Variants in GLIS3 observed in about 807,000 individuals in gnomAD.
GLIS3 encodes GLIS family zinc finger 3.
In GLIS3, 53 loss-of-function variants were observed where a neutral mutation model predicts 78.6. The ratio of observed to expected loss-of-function variants is 0.67; its 90% confidence interval spans 0.54 to 0.85. GLIS3 has a LOEUF of 0.85. GLIS3 is among the 40% of genes least tolerant of loss of function. The pLI is 0.00. For missense variants in GLIS3, 1,703 were observed against 1,231.1 expected (o/e 1.38, Z -5.74); for synonymous variants, 684 against 509.9 (o/e 1.34, Z -4.60).
intron 9 of GLIS3, among the ~76,000 whole-genome samples, chr9:3,839,770 C>G (rs538826485): frequency 6.6e-6 from 1 of 152,282 alleles, no homozygotes; most frequent in South Asian, 2.1e-4. Context: ...AGGTTTCTCA[C>G]TGCCAGGTTG....
chr9:4,065,575 C>A (rs1827029010), intron 4 of GLIS3, among the ~76,000 whole-genome samples: 1 of 152,150 alleles, frequency 6.6e-6, no homozygotes, highest in Non-Finnish European at 1.5e-5. Flanking sequence ...AATTAGCAAA[C>A]AGGCTTATGA....
chr9:4,177,270 T>C (rs1187190398), intron 2 of GLIS3, among the ~76,000 whole-genome samples: 1 of 152,244 alleles, frequency 6.6e-6, no homozygotes, highest in African/African-American at 2.4e-5. Context: ...CCCATTTATC[T>C]ATTGGTTGGC....
At chr9:4,265,568 CT>C (rs1040080048) in intron 2 of GLIS3, among the ~76,000 whole-genome samples, 1 of 152,088 alleles carries the variant, frequency 6.6e-6, no homozygotes, top group Non-Finnish European at 1.5e-5. Context: ...ACCTCTAATG[CT>C]TCCATTCTAC....
rs747723697 is a variant in GLIS3, at chr9:4,118,985, A to G, written c.597-104T>C. 6 of 1,175,696 alleles carry G rather than the reference A, an allele frequency of 5.1e-6. No homozygotes were observed. Among genetic ancestry groups the G allele is most frequent in the Non-Finnish European group, 7.3e-6 (6 of 823,032 alleles). The allele number at this position is 1,175,696 out of a possible 1,614,324, so 72.8% of individuals were successfully genotyped here. On this transcript the variant is annotated intron_variant, in intron 3 of 10. Transcript: ENST00000381971. The surrounding 1 kb of genome is among the most constrained non-coding windows in gnomAD (Gnocchi z 4.7). ...ACACTGCATTGACAATCCCTTAAGTATTTCCCCTAATTACATTCTGTGCTA... is the reference window on the plus strand; with the variant it reads ...ACACTGCATTGACAATCCCTTAAGTGTTTCCCCTAATTACATTCTGTGCTA...
the GLIS3 span, among the ~76,000 whole-genome samples, chr9:4,407,566 G>A: frequency 2.6e-5 from 4 of 152,242 alleles, no homozygotes; most frequent in Admixed American, 2.0e-4. Context: ...AGAATGGCGA[G>A]AACCCGGGAG....
chr9:4,427,918 G>T, the GLIS3 span, among the ~76,000 whole-genome samples: 12 of 151,116 alleles, frequency 7.9e-5, no homozygotes, highest in Non-Finnish European at 8.9e-5. Context: ...AAATTTACTA[G>T]ACTGCTTCTG....
intron 4 of GLIS3, among the ~76,000 whole-genome samples, chr9:3,985,196 G>A (rs889304883): frequency 1.3e-5 from 2 of 152,016 alleles, no homozygotes; most frequent in Non-Finnish European, 2.9e-5. Context: ...CCAGGCTGGA[G>A]TGCAGTAAAG....
At chr9:3,978,623 T>C (rs1818977023) in intron 4 of GLIS3, among the ~76,000 whole-genome samples, 1 of 151,994 alleles carries the variant, frequency 6.6e-6, no homozygotes, top group Admixed American at 6.6e-5. Context: ...TATGTGTATA[T>C]GTGTGTATAT....
chr9:3,937,253 GC>G, intron 4 of GLIS3, 64 bp from the exon 5 acceptor site: 2 of 1,533,488 alleles, frequency 1.3e-6, no homozygotes, highest in Non-Finnish European at 8.9e-7. Context: ...CTGGGGGACA[GC>G]TAAAAAAAAA....
chr9:4,439,531 G>C, the GLIS3 span, among the ~76,000 whole-genome samples: 1 of 152,092 alleles, frequency 6.6e-6, no homozygotes, highest in African/African-American at 2.4e-5. Flanking sequence ...CCTTCTATCT[G>C]TGATTGATTA....
chr9:4,396,117 C>CT, the GLIS3 span, among the ~76,000 whole-genome samples: 2,699 of 141,080 alleles, frequency 0.019, 47 homozygotes, highest in African/African-American at 0.053. Context: ...GCCATTTTTA[C>CT]TTTTTTTTTT....
At chr9:4,472,971 A>G in the GLIS3 span, among the ~76,000 whole-genome samples, 67 of 152,332 alleles carry the variant, frequency 4.4e-4, no homozygotes, top group East Asian at 0.012. Flanking sequence ...TTGGGTATAT[A>G]TCCAGTAATG....
chr9:4,298,019 G>A (rs1391141556), intron 1 of GLIS3, among the ~76,000 whole-genome samples: 1 of 152,170 alleles, frequency 6.6e-6, no homozygotes, highest in Non-Finnish European at 1.5e-5. Context: ...CGCCGCCTCC[G>A]CCCCTAACCC....
intron 2 of GLIS3, among the ~76,000 whole-genome samples, chr9:4,318,246 G>A (rs1817469170): frequency 1.3e-5 from 2 of 152,132 alleles, no homozygotes; most frequent in Admixed American, 1.3e-4. Flanking sequence ...GGGAATTCGA[G>A]GGGCCAGGAT....
chr9:4,197,141 G>A (rs368287806), intron 2 of GLIS3, among the ~76,000 whole-genome samples: 36 of 152,268 alleles, frequency 2.4e-4, no homozygotes, highest in African/African-American at 7.0e-4. Flanking sequence ...TTGTGGTGCA[G>A]TGGGGCTCTC....
chr9:3,882,476 GTGCATTAGCTGGC>G (rs71324273), intron 7 of GLIS3, among the ~76,000 whole-genome samples: 111,590 of 151,660 alleles, frequency 0.74, 41,326 homozygotes, highest in East Asian at 0.82. Context: ...GCTACGGCTG[GTGCATTAGCTGGC>G]TGCATTAGCA....
chr9:4,418,468 A>G, the GLIS3 span, among the ~76,000 whole-genome samples: 1 of 152,204 alleles, frequency 6.6e-6, no homozygotes, highest in Admixed American at 6.5e-5. Context: ...AAAGACTAGA[A>G]CAGAAATAAA....
At chr9:4,134,634 T>G (rs972338496) in intron 2 of GLIS3, among the ~76,000 whole-genome samples, 2 of 152,220 alleles carry the variant, frequency 1.3e-5, no homozygotes, top group Non-Finnish European at 2.9e-5. Flanking sequence ...GTTATTGTCA[T>G]GATTATGTTA....
chr9:4,456,282 T>A, the GLIS3 span, among the ~76,000 whole-genome samples: 5 of 152,222 alleles, frequency 3.3e-5, no homozygotes, highest in Admixed American at 2.0e-4. Flanking sequence ...TGCCTCAATA[T>A]TGATGGCTGC....
Sources: gnomAD v4.1 joint callset for allele counts (sites outside exome capture counted in the v4.1 genomes callset) on GRCh38, gnomAD v4.1.1 for gene constraint, Gnocchi (gnomAD v3.1) non-coding constraint, MANE v1.5 for transcripts, NCBI Gene and HGNC (gene_info 2026-07-23, HGNC 2026-07-21) for gene names.